The following AGBL4 variants were observed in gnomAD, a reference collection of about 807,000 sequenced individuals.
AGBL4 encodes cytosolic carboxypeptidase 6.
Under a neutral mutation model 66.4 loss-of-function variants are expected in AGBL4, and 58 were observed. That is an observed-to-expected ratio of 0.87 (90% CI 0.71 to 1.09). The LOEUF (loss-of-function observed/expected upper bound fraction) is 1.09. AGBL4 is among the 50% of genes least tolerant of loss of function. AGBL4 has a pLI of 0.00. For missense variants in AGBL4, 579 were observed against 631.0 expected, an observed-to-expected ratio of 0.92 and a Z score of 0.88; for synonymous variants, 234 against 222.9, an observed-to-expected ratio of 1.05 and a Z score of -0.44.
chr1:49,180,035 G>A (rs542801877), intron 4 of AGBL4, among the ~76,000 whole-genome samples: 179 of 152,170 alleles, frequency 1.2e-3, no homozygotes, highest in Non-Finnish European at 2.2e-3. Flanking sequence ...CCGAGTAGCT[G>A]GGGTCACAGG....
chr1:49,817,280 G>A (rs1349534420), intron 2 of AGBL4, among the ~76,000 whole-genome samples: 2 of 152,280 alleles, frequency 1.3e-5, no homozygotes, highest in East Asian at 1.9e-4. Context: ...GAAGGGCAGG[G>A]AATGGAATAT....
intron 3 of AGBL4, among the ~76,000 whole-genome samples, chr1:49,314,521 G>T (rs1645002902): frequency 6.6e-6 from 1 of 151,958 alleles, no homozygotes; most frequent in Non-Finnish European, 1.5e-5. Context: ...TGAGAATGAT[G>T]GTTTCCAGCT....
At chr1:49,787,830 G>C (rs1326845830) in intron 2 of AGBL4, among the ~76,000 whole-genome samples, 1 of 152,022 alleles carries the variant, frequency 6.6e-6, no homozygotes, top group Non-Finnish European at 1.5e-5. Context: ...CATGAGAATT[G>C]TTGCCTACCA....
intron 5 of AGBL4, among the ~76,000 whole-genome samples, chr1:49,004,409 G>T (rs1473936999): frequency 6.6e-6 from 1 of 152,176 alleles, no homozygotes; most frequent in East Asian, 1.9e-4. Context: ...AGCCTGAATG[G>T]GCTGAATAAA....
At position 49,209,908 on chromosome 1, in the gene AGBL4, C is replaced by T. The variant is rs187864633; in HGVS notation, c.377+35862G>A. 1.5e-4 allele frequency among the ~76,000 whole-genome samples: 23 copies of T among 152,200 alleles called. No individual in the cohort carries two copies. In the East Asian group the frequency reaches 1.7e-3, roughly 12 times the overall value. On this transcript the variant is annotated intron_variant, in intron 4 of 13. Transcript: ENST00000371839. ...ACAATAATCCATGCAAGAGAATAAACTTCATGAGAGTCATTGGTATTCCCA... is the reference window on the plus strand; with the variant it reads ...ACAATAATCCATGCAAGAGAATAAATTTCATGAGAGTCATTGGTATTCCCA...
chr1:49,538,172 C>T (rs1185183636), intron 3 of AGBL4, among the ~76,000 whole-genome samples: 1 of 152,156 alleles, frequency 6.6e-6, no homozygotes, highest in African/African-American at 2.4e-5. Flanking sequence ...CAGCACTATT[C>T]ATAATAACAA....
chr1:48,561,876 C>T (rs1644401987), intron 11 of AGBL4, among the ~76,000 whole-genome samples: 1 of 152,180 alleles, frequency 6.6e-6, no homozygotes, highest in Non-Finnish European at 1.5e-5. Flanking sequence ...TCATTGACTG[C>T]AGATTTGGGA....
intron 3 of AGBL4, among the ~76,000 whole-genome samples, chr1:49,412,984 A>C (rs1645348242): frequency 6.6e-6 from 1 of 152,180 alleles, no homozygotes; most frequent in South Asian, 2.1e-4. Flanking sequence ...AGGTTTTAAA[A>C]GATGTTCCCA....
At chr1:48,568,192 A>T (rs927568852) in intron 11 of AGBL4, among the ~76,000 whole-genome samples, 1 of 152,034 alleles carries the variant, frequency 6.6e-6, no homozygotes, top group Non-Finnish European at 1.5e-5. Flanking sequence ...TATCACCTAC[A>T]TGCTTAAGCA....
chr1:49,993,349 T>G (rs1257110508), intron 1 of AGBL4, among the ~76,000 whole-genome samples: 2 of 152,230 alleles, frequency 1.3e-5, no homozygotes, highest in Non-Finnish European at 2.9e-5. Flanking sequence ...AATCTAGCCT[T>G]CAATGGACTA....
intron 3 of AGBL4, among the ~76,000 whole-genome samples, chr1:49,251,563 C>A (rs187926213): frequency 6.6e-6 from 1 of 152,312 alleles, no homozygotes; most frequent in African/African-American, 2.4e-5. Context: ...CCTGAGCCAA[C>A]ACCACCTCCA....
chr1:48,674,518 C>T (rs1377438909), intron 6 of AGBL4, among the ~76,000 whole-genome samples: 3 of 84,314 alleles, frequency 3.6e-5, no homozygotes, highest in African/African-American at 8.0e-5. Context: ...GGGTGTTGGG[C>T]GCGTTGGGGC....
intron 5 of AGBL4, among the ~76,000 whole-genome samples, chr1:48,972,888 G>C (rs1005872233): frequency 1.3e-5 from 2 of 152,138 alleles, no homozygotes; most frequent in African/African-American, 4.8e-5. Context: ...GCTGCAACAG[G>C]AACAATTAGA....
intron 4 of AGBL4, among the ~76,000 whole-genome samples, chr1:49,088,552 C>T (rs559369211): frequency 6.6e-6 from 1 of 152,180 alleles, no homozygotes; most frequent in African/African-American, 2.4e-5. Context: ...GAAGTTCTAG[C>T]TATACTAAAA....
At chr1:49,063,143 G>T (rs1224619672) in intron 4 of AGBL4, among the ~76,000 whole-genome samples, 1 of 152,066 alleles carries the variant, frequency 6.6e-6, no homozygotes, top group Non-Finnish European at 1.5e-5. Context: ...TATAAGAAAA[G>T]CATAATTGTT....
intron 3 of AGBL4, among the ~76,000 whole-genome samples, chr1:49,407,970 T>C (rs1645239405): frequency 6.6e-6 from 1 of 152,192 alleles, no homozygotes; most frequent in Non-Finnish European, 1.5e-5. Context: ...CAGTCTACAG[T>C]TGGCTAACCC....
chr1:49,874,125 T>C (rs954869611), intron 1 of AGBL4, among the ~76,000 whole-genome samples: 1 of 152,064 alleles, frequency 6.6e-6, no homozygotes, highest in South Asian at 2.1e-4. Flanking sequence ...ATAATGTTTT[T>C]ACTACAAATA....
chr1:48,855,527 G>A (rs1190616738), intron 6 of AGBL4, among the ~76,000 whole-genome samples: 3 of 152,180 alleles, frequency 2.0e-5, no homozygotes, highest in Non-Finnish European at 4.4e-5. Context: ...GGGGGATGGA[G>A]GTGGGAGTAT....
At chr1:49,073,222 A>AC (rs1352880877) in intron 4 of AGBL4, among the ~76,000 whole-genome samples, 1 of 151,930 alleles carries the variant, frequency 6.6e-6, no homozygotes, top group East Asian at 1.9e-4. Flanking sequence ...GTTTGTTATT[A>AC]CCCATCTTCT....
Sources: gnomAD v4.1 joint callset for allele counts (sites outside exome capture counted in the v4.1 genomes callset) on GRCh38, gnomAD v4.1.1 for gene constraint, MANE v1.5 for transcripts, NCBI Gene and HGNC (gene_info 2026-07-23, HGNC 2026-07-21) for gene names.